Variants in FRMPD4 observed in about 807,000 individuals in gnomAD.
FRMPD4 encodes the protein FERM and PDZ domain-containing protein 4.
In FRMPD4, 22 loss-of-function variants were observed where a neutral mutation model predicts 94.1. The observed-to-expected ratio is 0.23, with a 90% confidence interval of 0.17 to 0.33. The LOEUF is 0.33. FRMPD4 is among the 10% of genes least tolerant of loss of function. The pLI, the probability that FRMPD4 is intolerant of heterozygous loss-of-function variation, is 1.00. For missense variants in FRMPD4, 1,111 were observed against 1,339.9 expected (o/e 0.83, Z 2.67); for synonymous variants, 631 against 548.6 (o/e 1.15, Z -2.10).
chrX:12,450,317 AGGGAAGTT>A (rs1462322240), intron 1 of FRMPD4, among the ~76,000 whole-genome samples: 1 of 111,399 alleles, frequency 9.0e-6, no homozygotes, highest in Non-Finnish European at 1.9e-5. Context: ...ATTAAAAAAA[AGGGAAGTT>A]GGGTAGGACA....
rs754024737 is a variant in FRMPD4, at chrX:11,913,746, A to G, written c.95+35728A>G. On this transcript the variant is annotated intron_variant, in intron 3 of 18. Coordinates refer to the FRMPD4 transcript ENST00000640291. ...GAAAAACATAATGTTTACAGATAAA[A>G]TCTGATTTTGTTTCAGTACTTCTTG... Among the ~76,000 whole-genome samples, 12 of 112,322 alleles carry G rather than the reference A, an allele frequency of 1.1e-4. No individual in the cohort carries two copies. The South Asian group carries it at 3.7e-3, about 35-fold the overall frequency.
At chrX:11,878,395 C>T (rs1042852717) in intron 3 of FRMPD4, among the ~76,000 whole-genome samples, 1 of 112,087 alleles carries the variant, frequency 8.9e-6, no homozygotes, top group African/African-American at 3.2e-5. Context: ...AAACTTTTGG[C>T]TGCACTTTTT....
At chrX:12,340,593 C>T (rs928578966) in intron 1 of FRMPD4, among the ~76,000 whole-genome samples, 1 of 111,607 alleles carries the variant, frequency 9.0e-6, no homozygotes, top group South Asian at 3.8e-4. Flanking sequence ...GTGAGGTCGG[C>T]CACTGTCCCC....
intron 3 of FRMPD4, among the ~76,000 whole-genome samples, chrX:11,895,199 G>A (rs1450483843): frequency 8.9e-6 from 1 of 111,983 alleles, no homozygotes; most frequent in Non-Finnish European, 1.9e-5. Context: ...GCTGTTGTGT[G>A]CATTGCAGGA....
At chrX:12,242,368 T>C (rs969502022) in intron 1 of FRMPD4, among the ~76,000 whole-genome samples, 2 of 111,560 alleles carry the variant, frequency 1.8e-5, no homozygotes, top group African/African-American at 6.5e-5. Context: ...CATTGAATGG[T>C]GAGTTTACAT....
chrX:11,826,505 A>G (rs186048465), intron 1 of FRMPD4, among the ~76,000 whole-genome samples: 2 of 112,066 alleles, frequency 1.8e-5, no homozygotes, highest in African/African-American at 3.2e-5. Flanking sequence ...AACAGGAAGG[A>G]TAAACAAAAT....
chrX:12,645,583 G>A (rs1454769173), intron 4 of FRMPD4, among the ~76,000 whole-genome samples: 1 of 109,674 alleles, frequency 9.1e-6, no homozygotes, highest in Non-Finnish European at 1.9e-5. Flanking sequence ...TCGAGCTTCC[G>A]ACCTCAGGTG....
intron 1 of FRMPD4, among the ~76,000 whole-genome samples, chrX:12,426,779 A>G (rs972657873): frequency 1.8e-5 from 2 of 111,763 alleles, no homozygotes; most frequent in African/African-American, 6.5e-5. Flanking sequence ...TCCAGAAGCC[A>G]TCTCTTAGCT....
At chrX:12,331,682 T>TA (rs1247704441) in intron 1 of FRMPD4, among the ~76,000 whole-genome samples, 5 of 72,296 alleles carry the variant, frequency 6.9e-5, no homozygotes, top group African/African-American at 3.1e-4. Flanking sequence ...ATAAATTATA[T>TA]ATTTATATAA....
chrX:12,266,089 A>C (rs1328306957), intron 1 of FRMPD4, among the ~76,000 whole-genome samples: 2 of 94,544 alleles, frequency 2.1e-5, no homozygotes, highest in African/African-American at 4.1e-5. Context: ...GCCGAGATCA[A>C]GCCACTGCAC....
At chrX:12,563,048 T>C (rs1222668346) in intron 2 of FRMPD4, among the ~76,000 whole-genome samples, 2 of 111,929 alleles carry the variant, frequency 1.8e-5, no homozygotes, top group East Asian at 5.6e-4. Context: ...AGTTACAATA[T>C]GGGCACAGCC....
intron 1 of FRMPD4, among the ~76,000 whole-genome samples, chrX:12,246,741 T>A (rs2053964336): frequency 9.0e-6 from 1 of 110,745 alleles, no homozygotes; most frequent in African/African-American, 3.3e-5. Flanking sequence ...CCTGAACCAG[T>A]GTAGCATTTT....
chrX:12,521,202 T>C (rs1249796432), intron 2 of FRMPD4, among the ~76,000 whole-genome samples: 2 of 112,399 alleles, frequency 1.8e-5, no homozygotes, highest in Non-Finnish European at 1.9e-5. Flanking sequence ...CCACAGGCTA[T>C]AGTTTGCAGA....
chrX:12,652,380 C>A (rs977867919), intron 4 of FRMPD4, among the ~76,000 whole-genome samples: 1 of 112,240 alleles, frequency 8.9e-6, no homozygotes, highest in South Asian at 3.7e-4. Flanking sequence ...ATACAACACA[C>A]AATTTTCCAT....
At chrX:12,070,408 C>T (rs943875940) in intron 3 of FRMPD4, among the ~76,000 whole-genome samples, 13 of 111,658 alleles carry the variant, frequency 1.2e-4, no homozygotes, top group Non-Finnish European at 1.9e-4. Context: ...AGGAACAAGA[C>T]GACAGAATAT....
Position 11,982,548 on chromosome X carries a change from A to T in FRMPD4, c.95+104530A>T, listed in dbSNP as rs540910518. On this transcript the variant is annotated intron_variant, in intron 3 of 18. Coordinates refer to the FRMPD4 transcript ENST00000640291. ...TCTTCCCATTAAATCTGATTAGACG[A>T]ATAAAACCATCTTGCATTATCTACC... is the stretch of plus-strand genomic sequence containing the variant. Among the ~76,000 whole-genome samples, 40 of 111,299 alleles carry T rather than the reference A, an allele frequency of 3.6e-4. No individual in the cohort carries two copies. The South Asian group carries it at 6.4e-3, about 18-fold the overall frequency.
At chrX:12,355,237 A>G (rs1470420503) in intron 1 of FRMPD4, among the ~76,000 whole-genome samples, 2 of 109,226 alleles carry the variant, frequency 1.8e-5, no homozygotes, top group Non-Finnish European at 3.8e-5. Flanking sequence ...GTGCAGTGAC[A>G]TGATCACAGC....
At chrX:12,695,297 G>A (rs959605281) in intron 9 of FRMPD4, among the ~76,000 whole-genome samples, 1 of 112,199 alleles carries the variant, frequency 8.9e-6, no homozygotes, top group Non-Finnish European at 1.9e-5. Flanking sequence ...AATGAACTTC[G>A]ACTCTTGGTT....
At chrX:11,862,960 GTTTTTTTT>G (rs772255596) in intron 1 of FRMPD4, among the ~76,000 whole-genome samples, 6 of 47,654 alleles carry the variant, frequency 1.3e-4, no homozygotes, top group South Asian at 1.2e-3. Flanking sequence ...AGGGAACTTG[GTTTTTTTT>G]TTTTTTTTTT....
Sources: gnomAD v4.1 joint callset for allele counts (sites outside exome capture counted in the v4.1 genomes callset) on GRCh38, gnomAD v4.1.1 for gene constraint, MANE v1.5 for transcripts, NCBI Gene and HGNC (gene_info 2026-07-23, HGNC 2026-07-21) for gene names.